The following MAGI2 variants were observed in gnomAD, a reference collection of about 807,000 sequenced individuals.
MAGI2 encodes the protein membrane associated guanylate kinase, WW and PDZ domain containing 2.
A neutral mutation model predicts 133.3 loss-of-function variants in MAGI2; 35 were observed. That is an observed-to-expected ratio of 0.26 (90% CI 0.20 to 0.35). The LOEUF is 0.35. MAGI2 is among the 10% of genes least tolerant of loss of function. The pLI is 1.00. For synonymous variants in MAGI2, 729 were observed against 710.6 expected (o/e 1.03, Z -0.41); for missense variants, 1,636 against 1,863.4 (o/e 0.88, Z 2.25).
chr7:78,608,783 G>T (rs1195186731), intron 3 of MAGI2, among the ~76,000 whole-genome samples: 1 of 152,190 alleles, frequency 6.6e-6, no homozygotes, highest in Non-Finnish European at 1.5e-5. Flanking sequence ...TACTGAAATT[G>T]AGGGCAAAAC....
intron 12 of MAGI2, among the ~76,000 whole-genome samples, chr7:78,191,791 A>T (rs1383688063): frequency 6.6e-6 from 1 of 152,192 alleles, no homozygotes; most frequent in Non-Finnish European, 1.5e-5. Flanking sequence ...GTATCCTATG[A>T]TCATCTTCAT....
intron 2 of MAGI2, among the ~76,000 whole-genome samples, chr7:78,681,086 C>T (rs1815599653): frequency 6.6e-6 from 1 of 152,070 alleles, no homozygotes; most frequent in African/African-American, 2.4e-5. Context: ...AAATGTCTTC[C>T]TTCACCCTCA....
intron 3 of MAGI2, among the ~76,000 whole-genome samples, chr7:78,599,577 T>G (rs1357810053): frequency 6.6e-6 from 1 of 152,200 alleles, no homozygotes; most frequent in East Asian, 1.9e-4. Context: ...TTAAAAAACT[T>G]CATTGGTATC....
intron 1 of MAGI2, among the ~76,000 whole-genome samples, chr7:79,034,938 T>C (rs1810970108): frequency 6.6e-6 from 1 of 152,144 alleles, no homozygotes; most frequent in African/African-American, 2.4e-5. Context: ...GGGCTTTGAG[T>C]TGCTGTCTAG....
At chr7:78,127,861 C>T (rs931999958) in intron 18 of MAGI2, among the ~76,000 whole-genome samples, 1 of 152,176 alleles carries the variant, frequency 6.6e-6, no homozygotes, top group African/African-American at 2.4e-5. Context: ...TCATTCATTA[C>T]TTCATAAAAA....
At chr7:78,676,620 A>C (rs1431724786) in intron 2 of MAGI2, among the ~76,000 whole-genome samples, 1 of 152,142 alleles carries the variant, frequency 6.6e-6, no homozygotes, top group East Asian at 1.9e-4. Flanking sequence ...CCAGTGTCAC[A>C]GTTGATTAAA....
At chr7:79,159,084 T>C (rs1232446189) in intron 1 of MAGI2, among the ~76,000 whole-genome samples, 2 of 151,930 alleles carry the variant, frequency 1.3e-5, no homozygotes, top group Non-Finnish European at 2.9e-5. Context: ...AAGAAGTATG[T>C]TGGTGAAGAA....
chr7:79,228,044 G>C (rs1470560265), intron 1 of MAGI2, among the ~76,000 whole-genome samples: 1 of 151,918 alleles, frequency 6.6e-6, no homozygotes, highest in Non-Finnish European at 1.5e-5. Flanking sequence ...AAAAACAAAA[G>C]AAAACAAAAA....
At position 79,091,632 on chromosome 7, in the gene MAGI2, C is replaced by T. The variant is rs541960584; in HGVS notation, c.302-84426G>A. ...TCTTTAAAAAAAGTCTCTTAGAATC[C>T]TGTAAACTAGAGGTAGGAAAATGTT... On this transcript the variant is annotated intron_variant, in intron 1 of 21. Coordinates refer to ENST00000354212, the MANE Select transcript of MAGI2 (RefSeq NM_012301.4). Among the ~76,000 whole-genome samples the T allele has an allele frequency of 2.0e-5, 3 of 151,582 alleles. No homozygotes were observed. The South Asian group carries it at 6.3e-4, about 32-fold the overall frequency.
At chr7:78,475,612 TAAC>T (rs1457901165) in intron 6 of MAGI2, among the ~76,000 whole-genome samples, 1 of 151,660 alleles carries the variant, frequency 6.6e-6, no homozygotes, top group Non-Finnish European at 1.5e-5. Context: ...CTAGAAATAA[TAAC>T]ATCATAGAAA....
chr7:79,214,407 C>CTATATATATATATA (rs1196193501), intron 1 of MAGI2, among the ~76,000 whole-genome samples: 8 of 17,712 alleles, frequency 4.5e-4, no homozygotes, highest in East Asian at 1.8e-3. Flanking sequence ...CTCTCTCTCT[C>CTATATATATATATA]TATATATATA....
chr7:78,783,593 C>T (rs1332031392), intron 2 of MAGI2, among the ~76,000 whole-genome samples: 1 of 152,154 alleles, frequency 6.6e-6, no homozygotes, highest in Non-Finnish European at 1.5e-5. Context: ...GAACCTGGAG[C>T]TTTGCCCCCT....
At chr7:78,238,297 A>G (rs747123222) in intron 10 of MAGI2, among the ~76,000 whole-genome samples, 40 of 152,064 alleles carry the variant, frequency 2.6e-4, no homozygotes, top group Non-Finnish European at 5.1e-4. Flanking sequence ...CAAGCTTGAC[A>G]TGTCCCAGAC....
intron 9 of MAGI2, among the ~76,000 whole-genome samples, chr7:78,335,479 A>G (rs141043096): frequency 0.025 from 3,858 of 152,328 alleles, 112 homozygotes; most frequent in Non-Finnish European, 0.032. Context: ...ACCCCCAAGT[A>G]TCTTTATAGG....
intron 1 of MAGI2, among the ~76,000 whole-genome samples, chr7:79,079,915 G>A (rs1319650566): frequency 6.6e-6 from 1 of 152,088 alleles, no homozygotes; most frequent in Non-Finnish European, 1.5e-5. Flanking sequence ...TAAGGCTTTA[G>A]TCTTCTCCTT....
chr7:78,943,145 T>C (rs1033559323), intron 2 of MAGI2, among the ~76,000 whole-genome samples: 10 of 152,190 alleles, frequency 6.6e-5, no homozygotes, highest in South Asian at 4.1e-4. Flanking sequence ...GTTTTGAGGA[T>C]TGAATGAGAG....
intron 6 of MAGI2, among the ~76,000 whole-genome samples, chr7:78,443,340 C>T (rs1361800181): frequency 6.6e-6 from 1 of 152,082 alleles, no homozygotes; most frequent in Non-Finnish European, 1.5e-5. Flanking sequence ...TTGGACCTCA[C>T]ATAGTGGTAG....
rs1035969511 is a variant in MAGI2 at position 79,130,280 on chromosome 7, G to C, written c.302-123074C>G. ...TGAGCTATGACAGCGCCATTGTATAGTCTAGCCTGAGTGACAGAGTGAGAC... is the reference window on the plus strand; with the variant it reads ...TGAGCTATGACAGCGCCATTGTATACTCTAGCCTGAGTGACAGAGTGAGAC... On this transcript the variant is annotated intron_variant, in intron 1 of 21. Coordinates refer to ENST00000354212, the MANE Select transcript of MAGI2 (RefSeq NM_012301.4). 2.6e-5 allele frequency among the ~76,000 whole-genome samples: 4 copies of C among 152,202 alleles called. No homozygotes were observed. The East Asian group carries it at 7.7e-4, about 29-fold the overall frequency.
chr7:79,379,230 C>A (rs1326588886), intron 1 of MAGI2, among the ~76,000 whole-genome samples: 1 of 150,526 alleles, frequency 6.6e-6, no homozygotes, highest in Admixed American at 6.7e-5. Context: ...TTTGTCCTTG[C>A]GATAGTTTGC....
Sources: gnomAD v4.1 joint callset for allele counts (sites outside exome capture counted in the v4.1 genomes callset) on GRCh38, gnomAD v4.1.1 for gene constraint, MANE v1.5 for transcripts, NCBI Gene and HGNC (gene_info 2026-07-23, HGNC 2026-07-21) for gene names.